NCAM1: variants seen among roughly 807,000 people sequenced by gnomAD.
NCAM1 encodes antigen recognized by monoclonal antibody 5.1H11.
NCAM1 carries 14 observed loss-of-function variants against 109.8 expected under a neutral mutation model. The ratio of observed to expected loss-of-function variants is 0.13; its 90% CI spans 0.08 to 0.20. The LOEUF (loss-of-function observed/expected upper bound fraction) is 0.20. Among genes scored for constraint, NCAM1 ranks in the 10% least tolerant of loss-of-function variants. The pLI is 1.00. For synonymous variants in NCAM1, 418 were observed against 442.9 expected (o/e 0.94, Z 0.70); for missense variants, 774 against 1,109.9 (o/e 0.70, Z 4.30).
rs1351668524 is a variant in NCAM1 at position 113,169,595 on chromosome 11, T to C, written c.53-32784T>C. On this transcript the variant is annotated intron_variant, in intron 1 of 19. Transcript: ENST00000316851. Reference sequence around the variant, plus strand: ...TGGTAAGCTTGCATTGCTTTTTCAGTGTGGGATGGGAGACTTTTCAGAGTT... The same window carrying C: ...TGGTAAGCTTGCATTGCTTTTTCAGCGTGGGATGGGAGACTTTTCAGAGTT... 3.3e-5 allele frequency among the ~76,000 whole-genome samples: 5 copies of C among 151,468 alleles called. No homozygotes were observed. The Middle Eastern group carries it at 0.01, about 309-fold the overall frequency.
chr11:113,025,226 A>G (rs1024433734), intron 1 of NCAM1, among the ~76,000 whole-genome samples: 2 of 152,212 alleles, frequency 1.3e-5, no homozygotes, highest in East Asian at 3.8e-4. Flanking sequence ...ACATAGAATT[A>G]TACTGGACAT....
At chr11:112,969,324 G>C (rs1162534372) in intron 1 of NCAM1, among the ~76,000 whole-genome samples, 4 of 152,164 alleles carry the variant, frequency 2.6e-5, no homozygotes, top group Non-Finnish European at 5.9e-5. Flanking sequence ...AAGGTTAAAT[G>C]ACTTAGGCAG....
At chr11:113,188,607 A>G (rs1319892496) in intron 1 of NCAM1, among the ~76,000 whole-genome samples, 1 of 152,208 alleles carries the variant, frequency 6.6e-6, no homozygotes, top group African/African-American at 2.4e-5. Context: ...AATTTGGAAT[A>G]GAAACTAGTT....
intron 17 of NCAM1, among the ~76,000 whole-genome samples, chr11:113,267,626 G>A (rs1555124586): frequency 3.9e-5 from 6 of 152,186 alleles, no homozygotes; most frequent in Non-Finnish European, 1.5e-5. Flanking sequence ...AGAGGAGTGG[G>A]CAGAGTCTGC....
chr11:112,980,499 A>G (rs1951124615), intron 1 of NCAM1, among the ~76,000 whole-genome samples: 1 of 151,950 alleles, frequency 6.6e-6, no homozygotes, highest in Non-Finnish European at 1.5e-5. Context: ...AATAAAAAGG[A>G]ATGCAGTACT....
At chr11:113,141,159 G>A (rs1941804713) in intron 1 of NCAM1, among the ~76,000 whole-genome samples, 1 of 152,178 alleles carries the variant, frequency 6.6e-6, no homozygotes, top group Non-Finnish European at 1.5e-5. Flanking sequence ...ACTTAACAGA[G>A]CTCAACTAAA....
chr11:113,129,717 C>T (rs548553811), intron 1 of NCAM1, among the ~76,000 whole-genome samples: 1 of 152,242 alleles, frequency 6.6e-6, no homozygotes, highest in South Asian at 2.1e-4. Context: ...AGGAGAGAGG[C>T]AGGAATGTGG....
rs1944175548 is a variant in NCAM1 at position 113,204,467 on chromosome 11, C to T, written c.309C>T (p.Gly103=). The T allele has an allele frequency of 1.2e-6, 2 of 1,613,842 alleles. No homozygotes were observed. The highest frequency in any genetic ancestry group is 2.2e-5 in the South Asian group (2 of 91,092). ...IYKCVVTGED[G]SESEATVNVK... ...AGTGTGTGGTTACAGGCGAGGATGG[C>T]AGTGAGTCAGAGGCCACCGTCAACG... The change falls in exon 3 of 20, where the codon GGC becomes GGT. Residue 103 remains glycine, a synonymous_variant. Transcript: ENST00000316851.
chr11:113,009,320 T>TTG (rs1565379674), intron 1 of NCAM1, among the ~76,000 whole-genome samples: 19 of 44,284 alleles, frequency 4.3e-4, no homozygotes, highest in East Asian at 7.1e-3. Context: ...GGGTTTTTTT[T>TTG]TTTTTTTTTT....
intron 1 of NCAM1, among the ~76,000 whole-genome samples, chr11:113,023,445 C>A (rs1952451394): frequency 6.6e-6 from 1 of 152,186 alleles, no homozygotes. Context: ...GAAGTTACAG[C>A]CAAGAATTCA....
intron 1 of NCAM1, among the ~76,000 whole-genome samples, chr11:113,101,250 C>T (rs1386168666): frequency 2.0e-5 from 3 of 152,208 alleles, no homozygotes; most frequent in Non-Finnish European, 2.9e-5. Flanking sequence ...CCTATGGCCT[C>T]CACTATTGTG....
chr11:113,229,166 AT>A lies in NCAM1; in HGVS notation c.1090-2474del, dbSNP rs1944930993. On this transcript the variant is annotated intron_variant, in intron 9 of 19. Coordinates refer to ENST00000316851, the MANE Select transcript of NCAM1 (RefSeq NM_181351.5). Reference sequence around the variant, plus strand: ...CAGGCAACCTACAGAATGGGAGAAAATTTTTGCAATCTACTCATCTGACAAA... The same window carrying A: ...CAGGCAACCTACAGAATGGGAGAAAATTTTGCAATCTACTCATCTGACAAA... Among the ~76,000 whole-genome samples the A allele has an allele frequency of 2.0e-5, 3 of 152,182 alleles. No homozygotes were observed. In the South Asian group the frequency reaches 6.2e-4, roughly 32 times the overall value.
At chr11:113,116,443 G>A (rs904744761) in intron 1 of NCAM1, among the ~76,000 whole-genome samples, 7 of 152,212 alleles carry the variant, frequency 4.6e-5, no homozygotes, top group African/African-American at 1.7e-4. Flanking sequence ...AGAAATGACA[G>A]CCCAACAGAC....
chr11:113,178,622 T>C (rs1943241329), intron 1 of NCAM1, among the ~76,000 whole-genome samples: 1 of 152,166 alleles, frequency 6.6e-6, no homozygotes, highest in Non-Finnish European at 1.5e-5. Flanking sequence ...TTCTGGCAGA[T>C]GGAGGGTAAC....
At chr11:113,045,215 C>T (rs1043841740) in intron 1 of NCAM1, among the ~76,000 whole-genome samples, 5 of 152,228 alleles carry the variant, frequency 3.3e-5, no homozygotes, top group Non-Finnish European at 5.9e-5. Flanking sequence ...CCAGGACAAA[C>T]TTGCTGGGTT....
chr11:112,997,480 T>C (rs1951625884), intron 1 of NCAM1, among the ~76,000 whole-genome samples: 1 of 152,218 alleles, frequency 6.6e-6, no homozygotes, highest in African/African-American at 2.4e-5. Flanking sequence ...GTAAAACTGC[T>C]CTGGGGACAG....
chr11:113,259,144 C>T lies in NCAM1; in HGVS notation c.1954-1002C>T, dbSNP rs1273629806. ...TCGGCTCGCTGCAAGCTCTGCCTCCCGGGTTCACGCCATTCTCCTGCCTCA... is the reference window on the plus strand; with the variant it reads ...TCGGCTCGCTGCAAGCTCTGCCTCCTGGGTTCACGCCATTCTCCTGCCTCA... On this transcript the variant is annotated intron_variant, in intron 16 of 19. Coordinates refer to ENST00000316851, the MANE Select transcript of NCAM1 (RefSeq NM_181351.5). 8.0e-5 allele frequency among the ~76,000 whole-genome samples: 12 copies of T among 150,696 alleles called. No individual in the cohort carries two copies. In the East Asian group the frequency reaches 1.2e-3, roughly 15 times the overall value.
In NCAM1 at chr11:113,090,416, C is replaced by T. The variant is rs541184957; in HGVS notation, c.53-111963C>T. Among the ~76,000 whole-genome samples, 93 of 152,290 alleles carry T rather than the reference C, an allele frequency of 6.1e-4. No homozygotes were observed. In the South Asian group the frequency reaches 6.6e-3, roughly 11 times the overall value. On this transcript the variant is annotated intron_variant, in intron 1 of 19. Transcript: ENST00000316851. ...GAAAAGAAGATTTAGAACTACATAGCGCATTATTTCACTTTCTGCGACATA... is the reference window on the plus strand; with the variant it reads ...GAAAAGAAGATTTAGAACTACATAGTGCATTATTTCACTTTCTGCGACATA...
chr11:113,143,038 T>G (rs1219245770), intron 1 of NCAM1, among the ~76,000 whole-genome samples: 8 of 152,158 alleles, frequency 5.3e-5, no homozygotes, highest in African/African-American at 1.7e-4. Flanking sequence ...CAGAGTTGTA[T>G]CTGCTAAAAA....
Sources: allele counts gnomAD v4.1 joint callset (sites outside exome capture counted in the v4.1 genomes callset), GRCh38; gene constraint gnomAD v4.1.1; transcripts MANE v1.5; gene names NCBI Gene and HGNC (gene_info 2026-07-23, HGNC 2026-07-21).